FLT3LG: variants seen among roughly 807,000 people sequenced by gnomAD.
FLT3LG encodes fms-related tyrosine kinase 3 ligand.
Under a neutral mutation model 30.9 loss-of-function variants are expected in FLT3LG, and 8 were observed. That is an observed-to-expected ratio of 0.26 (90% CI 0.15 to 0.47). FLT3LG has a LOEUF of 0.47. Among genes scored for constraint, FLT3LG ranks in the 20% least tolerant of loss-of-function variants. The probability of loss-of-function intolerance (pLI) is 0.99; values close to 1 mark genes in which losing one functional copy is unlikely to be tolerated. For missense variants in FLT3LG, 278 were observed against 306.2 expected (o/e 0.91, Z 0.69); for synonymous variants, 123 against 135.9 (o/e 0.91, Z 0.66).
At chr19:49,478,315 C>A (rs2079468812) in intron 5 of FLT3LG, among the ~76,000 whole-genome samples, 1 of 149,266 alleles carries the variant, frequency 6.7e-6, no homozygotes, top group South Asian at 2.1e-4. Flanking sequence ...AAAATACAAA[C>A]AATTAGCCGG....
intron 8 of FLT3LG, chr19:49,480,862 T>A (rs2079582715): frequency 5.9e-6 from 3 of 511,644 alleles, no homozygotes; most frequent in Non-Finnish European, 1.1e-5. Context: ...CAAACCCCAG[T>A]CTCTACTAAA....
chr19:49,479,194 ATT>A (rs5828400), intron 6 of FLT3LG, 147 bp downstream of exon 6: 7,824 of 465,308 alleles, frequency 0.017, no homozygotes, highest in South Asian at 0.026. Context: ...CAGTTTACCA[ATT>A]TTTTTTTTTT....
In FLT3LG at chr19:49,476,413, T is replaced by C. The variant is rs866507027; in HGVS notation, c.199-10T>C. 7.5e-6 allele frequency: 12 copies of C among 1,609,074 alleles called. No homozygotes were observed. In the Middle Eastern group the frequency reaches 1.5e-3, roughly 208 times the overall value. On this transcript the variant is annotated splice_polypyrimidine_tract_variant and intron_variant, in intron 4 of 8. Coordinates refer to ENST00000597551, the MANE Select transcript of FLT3LG (RefSeq NM_001459.4). This position sits in a 1 kb window ranked among gnomAD's most constrained non-coding sequence, Gnocchi z 5.3. ...GCTCCTCCCTCAGACCCGTGGGTTC[T>C]CCCCTCTAGGAGGAGCTCTGCGGGG...
rs765687695 is a variant in FLT3LG, at chr19:49,476,450, C to T, written c.226C>T (p.Leu76=). The T allele has an allele frequency of 1.2e-6, 2 of 1,613,644 alleles. No homozygotes were observed. The highest frequency in any genetic ancestry group is 1.7e-6 in the Non-Finnish European group (2 of 1,179,896). The change falls in exon 5 of 9, where the codon CTG becomes TTG. Residue 76 remains leucine, a synonymous_variant. Transcript: ENST00000597551. This position sits in a 1 kb window ranked among gnomAD's most constrained non-coding sequence, Gnocchi z 5.3. ...DEELCGGLWR[L]VLAQRWMERL... ...GGAGCTCTGCGGGGGCCTCTGGCGG[C>T]TGGTCCTGGCACAGCGCTGGATGGA...
chr19:49,479,178 G>A, intron 6 of FLT3LG, 131 bp downstream of exon 6: 1 of 853,350 alleles, frequency 1.2e-6, no homozygotes, highest in Non-Finnish European at 1.6e-6. Context: ...TCCTCTTTCT[G>A]GAGCTCAGTT....
rs955344736 is a variant in FLT3LG, at chr19:49,480,464, C to T, written c.648C>T (p.Arg216=). The change falls in exon 7 of 9, where the codon CGC becomes CGT. Residue 216 remains arginine (R), a synonymous_variant. Coordinates refer to ENST00000597551, the MANE Select transcript of FLT3LG (RefSeq NM_001459.4). ...AGAGGACGCGGCGGAGGACACCCCG[C>T]CCTGGGGAGCAGGTGAGCAGGCTGG... ...HWQRTRRRTP[R]PGEQVPPVPS... 1.3e-6 allele frequency: 2 copies of T among 1,587,588 alleles called. No homozygotes were observed. The highest frequency in any genetic ancestry group is 1.7e-6 in the Non-Finnish European group (2 of 1,167,328).
chr19:49,485,605 C>T (rs2079776305), intron 8 of FLT3LG, among the ~76,000 whole-genome samples: 1 of 152,138 alleles, frequency 6.6e-6, no homozygotes, highest in Admixed American at 6.6e-5. Flanking sequence ...TGGTCTCAAA[C>T]TCCCAACCTC....
Position 49,476,036 on chromosome 19 carries a change from C to G in FLT3LG, c.145-109C>G, listed in dbSNP as rs975410764. ...TTCTGTGGCTTCTTCTGGGCTCCCC[C>G]TCTCTTGGTCTTGTCCCTCTCTCTC... is the stretch of plus-strand genomic sequence containing the variant. On this transcript the variant is annotated intron_variant, in intron 3 of 8. Coordinates refer to ENST00000597551, the MANE Select transcript of FLT3LG (RefSeq NM_001459.4). The surrounding 1 kb of genome is among the most constrained non-coding windows in gnomAD (Gnocchi z 5.3). The G allele has an allele frequency of 7.7e-7, 1 of 1,290,976 alleles. No individual in the cohort carries two copies. Among genetic ancestry groups the G allele is most frequent in the South Asian group, 1.2e-5 (1 of 84,186 alleles). 80.0% of individuals were successfully genotyped at this position (1,290,976 alleles called of 1,614,324 possible).
rs1419516052 is a variant in FLT3LG at position 49,482,422 on chromosome 19, G to A, written c.*21+1802G>A. 6 of 152,302 alleles carry A rather than the reference G, an allele frequency of 3.9e-5. No individual in the cohort carries two copies. In the Admixed American group the frequency reaches 3.9e-4, roughly 10 times the overall value. 9.4% of individuals were successfully genotyped at this position (152,302 alleles called of 1,614,324 possible). A position where few individuals can be genotyped will look rare whatever the true frequency, so the allele number is the denominator to read the frequency against. On this transcript the variant is annotated intron_variant, in intron 8 of 8. Coordinates refer to ENST00000597551, the MANE Select transcript of FLT3LG (RefSeq NM_001459.4). ...ATTACAGGCATGAGCCACCACGCCC[G>A]GCCTCGAGTTTGTCTTGATCCAGCA...
intron 6 of FLT3LG, chr19:49,479,690 T>C: frequency 5.1e-6 from 1 of 197,506 alleles, no homozygotes; most frequent in Non-Finnish European, 1.1e-5. Flanking sequence ...GTATTTTTAG[T>C]AGAGACGGTG....
Position 49,474,587 on chromosome 19 carries a change from T to C in FLT3LG, c.-37-16T>C. 6.3e-7 allele frequency: 1 copy of C among 1,598,866 alleles called. No individual in the cohort carries two copies. Among genetic ancestry groups the C allele is most frequent in the Admixed American group, 1.7e-5 (1 of 58,908 alleles). The stretch of plus-strand genomic sequence containing the variant: ...GGGCATGAGGGTCCGAGACTTGTTC[T>C]TCTGTCCCTTCCAAGACCCGGCGAC... On this transcript the variant is annotated splice_polypyrimidine_tract_variant and intron_variant, in intron 1 of 8. Coordinates refer to ENST00000597551, the MANE Select transcript of FLT3LG (RefSeq NM_001459.4).
rs769003253 is a variant in FLT3LG, at chr19:49,476,616, C to T, written c.342+50C>T. 18 of 1,610,780 alleles carry T rather than the reference C, an allele frequency of 1.1e-5. No individual in the cohort carries two copies. The highest frequency in any genetic ancestry group is 2.2e-5 in the South Asian group (2 of 90,924). On this transcript the variant is annotated intron_variant, in intron 5 of 8. Transcript: ENST00000597551. This position sits in a 1 kb window ranked among gnomAD's most constrained non-coding sequence, Gnocchi z 5.3. ...GTGAGGGGAGGGAGATGCCTTCCTACGAATTAGAAGTAAAGCTCCACTAGG... is the reference window on the plus strand; with the variant it reads ...GTGAGGGGAGGGAGATGCCTTCCTATGAATTAGAAGTAAAGCTCCACTAGG...
chr19:49,485,181 T>C (rs2079759838), intron 8 of FLT3LG, among the ~76,000 whole-genome samples: 1 of 152,006 alleles, frequency 6.6e-6, no homozygotes, highest in Admixed American at 6.6e-5. Flanking sequence ...GTGTTCAGTA[T>C]TCACATGTGG....
At chr19:49,477,916 C>T (rs1339344992) in intron 5 of FLT3LG, among the ~76,000 whole-genome samples, 1 of 149,218 alleles carries the variant, frequency 6.7e-6, no homozygotes, top group Non-Finnish European at 1.5e-5. Context: ...CATGGTGGCG[C>T]GCGCCTGTAG....
intron 2 of FLT3LG, 108 bp from the exon 3 acceptor site, chr19:49,475,583 C>A: frequency 7.1e-7 from 1 of 1,402,506 alleles, no homozygotes; most frequent in Non-Finnish European, 9.5e-7. Context: ...CAGAAGGACA[C>A]CCAGGGAAGG....
intron 8 of FLT3LG, among the ~76,000 whole-genome samples, chr19:49,483,188 C>T (rs1349952555): frequency 3.3e-5 from 5 of 151,086 alleles, no homozygotes; most frequent in African/African-American, 7.3e-5. Flanking sequence ...TGCAGTGGCG[C>T]GATCTCAGCT....
chr19:49,484,492 C>A lies in FLT3LG; in HGVS notation c.*22-1523C>A, dbSNP rs1009619869. On this transcript the variant is annotated intron_variant, in intron 8 of 8. Transcript: ENST00000597551. ...TGTATTTTTAGTAGAGACGGGGTTT[C>A]TTTTGTTGTTGTTGTTGTTTTTGAG... Among the ~76,000 whole-genome samples the A allele has an allele frequency of 4.0e-5, 6 of 151,128 alleles. No individual in the cohort carries two copies. The East Asian group carries it at 1.2e-3, about 30-fold the overall frequency.
At chr19:49,475,057 TGGG>T (rs1466883210) in intron 2 of FLT3LG, among the ~76,000 whole-genome samples, 1 of 14,220 alleles carries the variant, frequency 7.0e-5, no homozygotes, top group Non-Finnish European at 1.3e-4. Flanking sequence ...TGGACAGAGG[TGGG>T]GGAGATGGAC....
intron 5 of FLT3LG, among the ~76,000 whole-genome samples, chr19:49,477,251 G>C (rs1012976823): frequency 1.3e-5 from 2 of 151,994 alleles, no homozygotes; most frequent in African/African-American, 4.8e-5. Context: ...GACCAGCCCG[G>C]GTAACACAGT....
Sources: gnomAD v4.1 joint callset for allele counts (sites outside exome capture counted in the v4.1 genomes callset) on GRCh38, gnomAD v4.1.1 for gene constraint, Gnocchi (gnomAD v3.1) non-coding constraint, MANE v1.5 for transcripts, NCBI Gene and HGNC (gene_info 2026-07-23, HGNC 2026-07-21) for gene names.